PPM1H: variants seen among roughly 807,000 people sequenced by gnomAD.
PPM1H encodes protein phosphatase, Mg2+/Mn2+ dependent 1H.
A neutral mutation model predicts 54.9 loss-of-function variants in PPM1H; 27 were observed. The ratio of observed to expected loss-of-function variants is 0.49; its 90% CI spans 0.36 to 0.68. The LOEUF is 0.68. Among genes scored for constraint, PPM1H ranks in the 30% least tolerant of loss-of-function variants. The pLI is 0.00. For missense variants in PPM1H, 596 were observed against 667.8 expected (o/e 0.89, Z 1.19); for synonymous variants, 305 against 270.8 (o/e 1.13, Z -1.24).
chr12:62,741,810 T>A (rs2076382518), intron 4 of PPM1H, among the ~76,000 whole-genome samples: 1 of 152,204 alleles, frequency 6.6e-6, no homozygotes, highest in Admixed American at 6.5e-5. Context: ...AATTGCTTGC[T>A]GATGGATAAG....
chr12:62,683,280 AG>A (rs1367305120), intron 8 of PPM1H, among the ~76,000 whole-genome samples: 2 of 151,956 alleles, frequency 1.3e-5, no homozygotes, highest in Admixed American at 1.3e-4. Flanking sequence ...CCGGTGGGGA[AG>A]GAAGACTAAT....
chr12:62,706,454 T>A (rs11174612), intron 6 of PPM1H, among the ~76,000 whole-genome samples: 1 of 152,206 alleles, frequency 6.6e-6, no homozygotes, highest in Non-Finnish European at 1.5e-5. Context: ...GCAGCCATTG[T>A]TAAATTTTCT....
chr12:62,744,706 C>T (rs1451270189), intron 4 of PPM1H, among the ~76,000 whole-genome samples: 1 of 152,222 alleles, frequency 6.6e-6, no homozygotes, highest in East Asian at 1.9e-4. Context: ...CAGCAGGCCT[C>T]ACGGGGGAAG....
At chr12:62,867,730 A>C (rs1437200920) in intron 1 of PPM1H, among the ~76,000 whole-genome samples, 3 of 136,274 alleles carry the variant, frequency 2.2e-5, no homozygotes, top group African/African-American at 8.9e-5. Flanking sequence ...GGTGCCTGCC[A>C]CCACACCTGG....
At chr12:62,783,634 G>T (rs987798269) in intron 4 of PPM1H, among the ~76,000 whole-genome samples, 1 of 152,204 alleles carries the variant, frequency 6.6e-6, no homozygotes, top group Non-Finnish European at 1.5e-5. Context: ...CGTATTAACA[G>T]TGCCTACTTC....
intron 4 of PPM1H, among the ~76,000 whole-genome samples, chr12:62,738,286 G>A (rs2076361402): frequency 6.6e-6 from 1 of 151,766 alleles, no homozygotes; most frequent in Non-Finnish European, 1.5e-5. Context: ...ATCCCCTGGT[G>A]ATTCATAAGC....
At position 62,648,506 on chromosome 12, in the gene PPM1H, C is replaced by T; in HGVS notation, c.1528G>A (p.Gly510Arg). 6 of 1,613,922 alleles carry T rather than the reference C, an allele frequency of 3.7e-6. No individual in the cohort carries two copies. Among genetic ancestry groups the T allele is most frequent in the Non-Finnish European group, 5.1e-6 (6 of 1,179,874 alleles). Residue 510 changes from glycine (G) to arginine (R), a missense_variant, in exon 10 of 10, where the codon GGA becomes AGA. By Grantham distance (125) the Gly-to-Arg change is moderately radical. Coordinates refer to ENST00000228705, the MANE Select transcript of PPM1H (RefSeq NM_020700.2). ...GGCCATTTTCATGACAGCTTGTTTCCATGTATTAAAGGAATGACATATACA... is the reference window on the plus strand; with the variant it reads ...GGCCATTTTCATGACAGCTTGTTTCTATGTATTAAAGGAATGACATATACA... ...ISVYVIPLIHGNKLS is the reference protein window; with the variant it reads ...ISVYVIPLIHRNKLS
chr12:62,654,563 G>A (rs1157672092), intron 9 of PPM1H, among the ~76,000 whole-genome samples: 1 of 152,068 alleles, frequency 6.6e-6, no homozygotes, highest in Non-Finnish European at 1.5e-5. Flanking sequence ...CTCTCAAGTT[G>A]GCCGCTTGGC....
At chr12:62,908,984 C>T (rs1346556153) in intron 1 of PPM1H, among the ~76,000 whole-genome samples, 1 of 152,062 alleles carries the variant, frequency 6.6e-6, no homozygotes, top group Non-Finnish European at 1.5e-5. Context: ...CCTTTAAGGA[C>T]AACACTACAC....
chr12:62,859,793 GA>G (rs1358439884), intron 1 of PPM1H, among the ~76,000 whole-genome samples: 1 of 152,166 alleles, frequency 6.6e-6, no homozygotes, highest in Admixed American at 6.5e-5. Context: ...AAAACCTAAG[GA>G]GAGGGCACAT....
At chr12:62,764,405 G>A (rs999263476) in intron 4 of PPM1H, among the ~76,000 whole-genome samples, 1 of 152,198 alleles carries the variant, frequency 6.6e-6, no homozygotes, top group African/African-American at 2.4e-5. Context: ...TGTCTCAAAT[G>A]TTGAGTAACA....
chr12:62,760,254 A>G (rs1296395033), intron 4 of PPM1H, among the ~76,000 whole-genome samples: 1 of 152,064 alleles, frequency 6.6e-6, no homozygotes, highest in African/African-American at 2.4e-5. Flanking sequence ...ATTCTTTTAC[A>G]CATTGGTTCC....
At chr12:62,693,848 G>A (rs762509861) in intron 7 of PPM1H, 88 bp downstream of exon 7, 47 of 1,178,422 alleles carry the variant, frequency 4.0e-5, no homozygotes, top group Non-Finnish European at 5.3e-5. Flanking sequence ...AAGCTGCTGA[G>A]TGGAACACAC....
chr12:62,728,168 T>C lies in PPM1H; in HGVS notation c.955-7879A>G, dbSNP rs114688836. ...CTGGGGGAAAAAGCTTGATAACCTC[T>C]GCCCTAGCAAGACCAAATGCAAGTA... On this transcript the variant is annotated intron_variant, in intron 5 of 9. Coordinates refer to ENST00000228705, the MANE Select transcript of PPM1H (RefSeq NM_020700.2). Among the ~76,000 whole-genome samples, 578 of 152,316 alleles carry C rather than the reference T, an allele frequency of 3.8e-3. 4 individuals carry two copies. The highest frequency in any genetic ancestry group is 0.013 in the African/African-American group (542 of 41,560).
At chr12:62,756,046 TG>T in intron 4 of PPM1H, 2 of 1,341,572 alleles carry the variant, frequency 1.5e-6, no homozygotes, top group African/African-American at 1.4e-5. Context: ...AAGGGCATCC[TG>T]GGCTACACTG....
intron 4 of PPM1H, among the ~76,000 whole-genome samples, chr12:62,763,570 T>C (rs1382607462): frequency 6.6e-6 from 1 of 152,214 alleles, no homozygotes; most frequent in Non-Finnish European, 1.5e-5. Flanking sequence ...CATTTCTTCC[T>C]CAGCTCTTCC....
intron 2 of PPM1H, among the ~76,000 whole-genome samples, chr12:62,804,795 C>G (rs1274153446): frequency 6.7e-6 from 1 of 148,978 alleles, no homozygotes; most frequent in Non-Finnish European, 1.5e-5. Context: ...CCTGCCTCAG[C>G]CTCCCAAGTA....
rs575214818 is a variant in PPM1H, at chr12:62,893,786, G to A, written c.245+40706C>T. On this transcript the variant is annotated intron_variant, in intron 1 of 9. Transcript: ENST00000228705. Reference sequence around the variant, plus strand: ...ACAGGTGTGAACCACCACACCCCGCGTTCATTTAATCTGAATTACCTCTTT... The same window carrying A: ...ACAGGTGTGAACCACCACACCCCGCATTCATTTAATCTGAATTACCTCTTT... Among the ~76,000 whole-genome samples the A allele has an allele frequency of 1.2e-4, 19 of 152,144 alleles. No individual in the cohort carries two copies. In the South Asian group the frequency reaches 2.3e-3, roughly 18 times the overall value.
In PPM1H at chr12:62,839,697, G is replaced by T. The variant is rs946072979; in HGVS notation, c.246-7418C>A. On this transcript the variant is annotated intron_variant, in intron 1 of 9. Coordinates refer to ENST00000228705, the MANE Select transcript of PPM1H (RefSeq NM_020700.2). Reference sequence around the variant, plus strand: ...AAAAAAGTCAAGATGGCAAGGAGATGGTTTCTACTCTCAAGGACCCTATAG... The same window carrying T: ...AAAAAAGTCAAGATGGCAAGGAGATTGTTTCTACTCTCAAGGACCCTATAG... 4.0e-5 allele frequency among the ~76,000 whole-genome samples: 6 copies of T among 151,824 alleles called. No homozygotes were observed. In the East Asian group the frequency reaches 1.2e-3, roughly 29 times the overall value.
Sources: gnomAD v4.1 joint callset for allele counts (sites outside exome capture counted in the v4.1 genomes callset) on GRCh38, gnomAD v4.1.1 for gene constraint, MANE v1.5 for transcripts, NCBI Gene and HGNC (gene_info 2026-07-23, HGNC 2026-07-21) for gene names.